BRD7: variants seen among roughly 807,000 people sequenced by gnomAD.
BRD7 encodes bromodomain-containing protein 7.
Under a neutral mutation model 82.1 loss-of-function variants are expected in BRD7, and 15 were observed. The ratio of observed to expected loss-of-function variants is 0.18; its 90% CI spans 0.12 to 0.28. The LOEUF (loss-of-function observed/expected upper bound fraction) is 0.28. Ranked by LOEUF, BRD7 falls within the 10% of genes least tolerant of loss-of-function variation. The pLI, the probability that BRD7 is intolerant of heterozygous loss-of-function variation, is 1.00. For synonymous variants in BRD7, 232 were observed against 266.9 expected (o/e 0.87, Z 1.27); for missense variants, 638 against 779.9 (o/e 0.82, Z 2.17).
At chr16:50,349,236 G>A in intron 5 of BRD7, 1 of 207,342 alleles carries the variant, frequency 4.8e-6, no homozygotes, top group Non-Finnish European at 9.9e-6. Flanking sequence ...TCACACACCG[G>A]GGCCTGTTGT....
chr16:50,333,534 A>G, intron 8 of BRD7, 40 bp downstream of exon 8: 3 of 1,597,076 alleles, frequency 1.9e-6, no homozygotes, highest in Non-Finnish European at 2.6e-6. Flanking sequence ...AGATGCCCCA[A>G]ATCAGTAGGT....
chr16:50,368,981 G>C lies in BRD7; in HGVS notation c.-207C>G, dbSNP rs539314595. ...CGGCCGGAGCCCGAGAGCGGCGGCG[G>C]GGGGGGCGCGCGGCCGGCGCAGAGG... On this transcript the variant is annotated 5_prime_UTR_variant, in exon 1 of 17. Coordinates refer to ENST00000394688, the MANE Select transcript of BRD7 (RefSeq NM_013263.5). 270 of 101,014 alleles carry C rather than the reference G, an allele frequency of 2.7e-3. No homozygotes were observed. The highest frequency in any genetic ancestry group is 4.0e-3 in the Non-Finnish European group (217 of 54,622). 6.3% of individuals were successfully genotyped at this position (101,014 alleles called of 1,614,324 possible).
chr16:50,326,443 C>T lies in BRD7; in HGVS notation c.1088-52G>A, dbSNP rs758131181. On this transcript the variant is annotated intron_variant, in intron 9 of 16. Coordinates refer to ENST00000394688, the MANE Select transcript of BRD7 (RefSeq NM_013263.5). ...AGGAGGCCTACATGGCCATGACCCA[C>T]GGGGCCCTCTGCCGAGTGACTCCGC... is the stretch of plus-strand genomic sequence containing the variant. The T allele has an allele frequency of 2.6e-5, 34 of 1,323,768 alleles. No homozygotes were observed. In the Admixed American group the frequency reaches 2.9e-4, roughly 11 times the overall value. The allele number at this position is 1,323,768 out of a possible 1,614,324, so 82.0% of individuals were successfully genotyped here. A position where few individuals can be genotyped will look rare whatever the true frequency, so the allele number is the denominator to read the frequency against.
rs533104257 is a variant in BRD7, at chr16:50,366,813, T to A, written c.258+1277A>T. 2.9e-3 allele frequency among the ~76,000 whole-genome samples: 434 copies of A among 151,938 alleles called. 16 individuals carry two copies. The South Asian group carries it at 0.07, about 25-fold the overall frequency. On this transcript the variant is annotated intron_variant, in intron 2 of 16. Coordinates refer to ENST00000394688, the MANE Select transcript of BRD7 (RefSeq NM_013263.5). ...CACGAATTACTTTACTACTATTAAT[T>A]AAAAAAAACAACTGGTTACCTCTGA...
Position 50,334,780 on chromosome 16 carries a change from T to G in BRD7, c.818A>C (p.Gln273Pro). The G allele has an allele frequency of 6.2e-7, 1 of 1,614,076 alleles. No individual in the cohort carries two copies. Among genetic ancestry groups the G allele is most frequent in the Non-Finnish European group, 8.5e-7 (1 of 1,179,940 alleles). Residue 273 changes from glutamine (Q) to proline (P), a missense_variant, in exon 7 of 17, where the codon CAG becomes CCG. Gln to Pro is a moderately conservative substitution (Grantham distance 76). Around this residue, in one of 3 missense-constraint regions of BRD7, gnomAD observed 402 missense variants for 500.8 expected, o/e 0.80. Coordinates refer to ENST00000394688, the MANE Select transcript of BRD7 (RefSeq NM_013263.5). ...SQSGEDGGCW[Q>P]REREDSGDAE... ...ATCTCCAGAGTCCTCTCTCTCTCTC[T>G]GCCAGCAGCCTCCGTCCTCCCCACT...
chr16:50,335,703 C>G (rs2037769850), intron 6 of BRD7, among the ~76,000 whole-genome samples: 1 of 152,092 alleles, frequency 6.6e-6, no homozygotes, highest in Non-Finnish European at 1.5e-5. Context: ...TAGAAAGAAC[C>G]AGAGGCCATT....
intron 6 of BRD7, among the ~76,000 whole-genome samples, chr16:50,335,441 G>A (rs1026350770): frequency 1.2e-4 from 19 of 152,152 alleles, no homozygotes; most frequent in African/African-American, 4.1e-4. Context: ...GAATGGTTTC[G>A]CTAACCAAAG....
intron 8 of BRD7, 36 bp from the exon 9 acceptor site, chr16:50,328,780 G>C (rs568449209): frequency 6.3e-7 from 1 of 1,587,094 alleles, no homozygotes; most frequent in Admixed American, 1.7e-5. Flanking sequence ...GGAATGAAGT[G>C]TTTTATACAA....
intron 8 of BRD7, among the ~76,000 whole-genome samples, chr16:50,331,426 G>C (rs1354252127): frequency 1.3e-5 from 2 of 152,210 alleles, no homozygotes; most frequent in Non-Finnish European, 2.9e-5. Flanking sequence ...TACAGGCTGG[G>C]CACGGTGGCT....
chr16:50,350,699 A>T (rs2038483015), intron 4 of BRD7, among the ~76,000 whole-genome samples: 1 of 152,060 alleles, frequency 6.6e-6, no homozygotes, highest in Non-Finnish European at 1.5e-5. Flanking sequence ...CCTCTTAAAT[A>T]CCTCCGTATG....
At chr16:50,368,427 T>A (rs1310279263) in intron 1 of BRD7, 129 bp from the exon 2 acceptor site, 13 of 1,038,796 alleles carry the variant, frequency 1.3e-5, no homozygotes, top group African/African-American at 1.6e-5. Context: ...GCGAAGCACC[T>A]GTTGAATGAC....
At chr16:50,322,892 C>A (rs1248655284) in intron 12 of BRD7, among the ~76,000 whole-genome samples, 1 of 152,186 alleles carries the variant, frequency 6.6e-6, no homozygotes, top group African/African-American at 2.4e-5. Context: ...CTGACCGAGG[C>A]ACTAACCTCA....
intron 5 of BRD7, among the ~76,000 whole-genome samples, chr16:50,340,601 A>G (rs2038006407): frequency 6.6e-6 from 1 of 152,330 alleles, no homozygotes; most frequent in South Asian, 2.1e-4. Flanking sequence ...TTAACTGAGC[A>G]AAAAATGTTA....
At chr16:50,342,897 A>C (rs977220209) in intron 5 of BRD7, among the ~76,000 whole-genome samples, 2 of 152,138 alleles carry the variant, frequency 1.3e-5, no homozygotes, top group Non-Finnish European at 2.9e-5. Context: ...GTAAATTTTA[A>C]TATACATGGT....
At chr16:50,349,261 G>C (rs1018788723) in intron 5 of BRD7, 1 of 216,770 alleles carries the variant, frequency 4.6e-6, no homozygotes, top group Non-Finnish European at 9.3e-6. Context: ...TGGGGGCATG[G>C]GGGAGGGGTA....
At chr16:50,351,268 C>T (rs1160978796) in intron 4 of BRD7, among the ~76,000 whole-genome samples, 1 of 152,178 alleles carries the variant, frequency 6.6e-6, no homozygotes, top group Non-Finnish European at 1.5e-5. Flanking sequence ...ATTATCTATC[C>T]TGAGTCATGC....
At chr16:50,367,350 T>C (rs897763972) in intron 2 of BRD7, among the ~76,000 whole-genome samples, 1 of 152,118 alleles carries the variant, frequency 6.6e-6, no homozygotes, top group East Asian at 1.9e-4. Context: ...GCCTCCTGAA[T>C]AGCTGGGACA....
chr16:50,322,983 G>GAGTT, intron 12 of BRD7, among the ~76,000 whole-genome samples: 1 of 152,270 alleles, frequency 6.6e-6, no homozygotes, highest in African/African-American at 2.4e-5. Flanking sequence ...TCACCATTAA[G>GAGTT]AGTTAGACCT....
In BRD7 at chr16:50,333,763, G is replaced by A. The variant is rs534441015; in HGVS notation, c.888-66C>T. 95 of 1,306,846 alleles carry A rather than the reference G, an allele frequency of 7.3e-5. No homozygotes were observed. The African/African-American group carries it at 1.1e-3, about 15-fold the overall frequency. The allele number at this position is 1,306,846 out of a possible 1,614,324, so 81.0% of individuals were successfully genotyped here. ...ATAAGTAAGATGAAAACATTCAAATGAATTCTAAATATGAATACAACTAAA... is the reference window on the plus strand; with the variant it reads ...ATAAGTAAGATGAAAACATTCAAATAAATTCTAAATATGAATACAACTAAA... On this transcript the variant is annotated intron_variant, in intron 7 of 16. Transcript: ENST00000394688.
Sources: gnomAD v4.1 joint callset for allele counts (sites outside exome capture counted in the v4.1 genomes callset) on GRCh38, gnomAD v4.1.1 for gene constraint, gnomAD v4.1.1 regional missense constraint, MANE v1.5 for transcripts, NCBI Gene and HGNC (gene_info 2026-07-23, HGNC 2026-07-21) for gene names.